The following NALF1 variants were observed in gnomAD, a reference collection of about 807,000 sequenced individuals.
The protein encoded by NALF1 is NALCN channel auxiliary factor 1.
In NALF1, 3 loss-of-function variants were observed where a neutral mutation model predicts 48.4. The observed-to-expected ratio is 0.06, with a 90% confidence interval of 0.03 to 0.16. The LOEUF (loss-of-function observed/expected upper bound fraction) is 0.16, where lower values mean the gene tolerates loss of function less well. Ranked by LOEUF, NALF1 falls within the 10% of genes least tolerant of loss-of-function variation. The pLI, the probability that NALF1 is intolerant of heterozygous loss-of-function variation, is 1.00. For synonymous variants in NALF1, 262 were observed against 245.7 expected (o/e 1.07, Z -0.62); for missense variants, 526 against 571.5 (o/e 0.92, Z 0.81).
chr13:107,481,655 T>C (rs1350665574), intron 1 of NALF1, among the ~76,000 whole-genome samples: 1 of 152,084 alleles, frequency 6.6e-6, no homozygotes, highest in African/African-American at 2.4e-5. Flanking sequence ...GAGAATCTCC[T>C]GGTGAAGCAG....
At chr13:107,479,197 C>T (rs1276306895) in intron 1 of NALF1, among the ~76,000 whole-genome samples, 1 of 152,100 alleles carries the variant, frequency 6.6e-6, no homozygotes, top group East Asian at 1.9e-4. Flanking sequence ...CCCAGACACT[C>T]TAGTTTTTCA....
chr13:107,654,728 A>C (rs9284236), intron 1 of NALF1, among the ~76,000 whole-genome samples: 73,778 of 151,726 alleles, frequency 0.49, 18,454 homozygotes, highest in Middle Eastern at 0.68. Context: ...TCCCTGAAAA[A>C]CATAGATGTA....
At chr13:107,795,505 T>C (rs1482857009) in intron 1 of NALF1, among the ~76,000 whole-genome samples, 1 of 152,150 alleles carries the variant, frequency 6.6e-6, no homozygotes, top group Non-Finnish European at 1.5e-5. Context: ...TTTTAACAAG[T>C]TAGGTCCAAA....
chr13:107,475,854 A>T (rs1028574485), intron 1 of NALF1, among the ~76,000 whole-genome samples: 20 of 152,160 alleles, frequency 1.3e-4, no homozygotes, highest in Non-Finnish European at 2.5e-4. Flanking sequence ...ACAGAGACAC[A>T]CATACCTAAA....
chr13:107,225,842 C>T, intron 1 of NALF1, among the ~76,000 whole-genome samples: 1 of 152,060 alleles, frequency 6.6e-6, no homozygotes, highest in East Asian at 1.9e-4. Context: ...CACACACACG[C>T]ATGCGCACAG....
At chr13:107,238,565 C>CCAGGACAG (rs1880401467) in intron 1 of NALF1, among the ~76,000 whole-genome samples, 1 of 152,080 alleles carries the variant, frequency 6.6e-6, no homozygotes, top group South Asian at 2.1e-4. Context: ...GCACATGCGG[C>CCAGGACAG]CAGGACAGGG....
rs962442822 is a variant in NALF1 at position 107,588,807 on chromosome 13, A to G, written c.915+276875T>C. ...TGAATCAATCATGTTTTCAGTGAAT[A>G]AATGCGGGGGAAAAAAGAAAGCCGA... On this transcript the variant is annotated intron_variant, in intron 1 of 2. Coordinates refer to ENST00000375915, the MANE Select transcript of NALF1 (RefSeq NM_001080396.3). 4.6e-5 allele frequency among the ~76,000 whole-genome samples: 7 copies of G among 152,196 alleles called. No individual in the cohort carries two copies. The East Asian group carries it at 1.4e-3, about 29-fold the overall frequency.
chr13:107,191,529 T>C (rs1307063859), intron 2 of NALF1, among the ~76,000 whole-genome samples: 1 of 152,190 alleles, frequency 6.6e-6, no homozygotes, highest in Non-Finnish European at 1.5e-5. Flanking sequence ...AATCAGTTTT[T>C]GAAGTACATG....
At chr13:107,464,110 G>A (rs1884961623) in intron 1 of NALF1, among the ~76,000 whole-genome samples, 1 of 152,128 alleles carries the variant, frequency 6.6e-6, no homozygotes, top group Non-Finnish European at 1.5e-5. Context: ...AAGTGGGTGA[G>A]ATTTCCAGCT....
intron 1 of NALF1, among the ~76,000 whole-genome samples, chr13:107,754,661 G>C (rs1244437568): frequency 3.3e-5 from 5 of 152,124 alleles, no homozygotes; most frequent in South Asian, 2.1e-4. Flanking sequence ...AGGAAGTAGA[G>C]AGCATTTCGG....
chr13:107,507,768 G>A (rs1476941536), intron 1 of NALF1, among the ~76,000 whole-genome samples: 1 of 151,982 alleles, frequency 6.6e-6, no homozygotes. Flanking sequence ...TGAAATCATA[G>A]GAAATAACTA....
At chr13:107,577,938 A>C (rs1878200189) in intron 1 of NALF1, among the ~76,000 whole-genome samples, 1 of 152,104 alleles carries the variant, frequency 6.6e-6, no homozygotes, top group African/African-American at 2.4e-5. Flanking sequence ...ATCAAGTAGC[A>C]GTTCTAATTT....
At chr13:107,481,385 T>C (rs772736487) in intron 1 of NALF1, among the ~76,000 whole-genome samples, 2 of 151,836 alleles carry the variant, frequency 1.3e-5, no homozygotes, top group African/African-American at 2.4e-5. Context: ...AGTGACTTAA[T>C]AGTCTAAAAT....
intron 1 of NALF1, among the ~76,000 whole-genome samples, chr13:107,471,390 A>C (rs974219097): frequency 6.6e-6 from 1 of 152,160 alleles, no homozygotes; most frequent in Non-Finnish European, 1.5e-5. Flanking sequence ...GTGCAAAAGA[A>C]GGGAGGGATG....
At chr13:107,782,313 C>T (rs1877916197) in intron 1 of NALF1, among the ~76,000 whole-genome samples, 1 of 152,204 alleles carries the variant, frequency 6.6e-6, no homozygotes, top group Admixed American at 6.5e-5. Context: ...CCTCGGCCTC[C>T]GGAGGTGCCA....
rs1440366317 is a variant in NALF1 at position 107,166,203 on chromosome 13, A to C, written c.*4294T>G. 6.6e-6 allele frequency: 1 copy of C among 152,174 alleles called. No individual in the cohort carries two copies. The highest frequency in any genetic ancestry group is 1.5e-5 in the Non-Finnish European group (1 of 68,060). 9.4% of individuals were successfully genotyped at this position (152,174 alleles called of 1,614,324 possible). On this transcript the variant is annotated 3_prime_UTR_variant, in exon 3 of 3. Coordinates refer to ENST00000375915, the MANE Select transcript of NALF1 (RefSeq NM_001080396.3). Reference sequence around the variant, plus strand: ...GGGAGGCCTAATCGGCGGATCTCCCAAGGTCAGGAGTTCAAGACTAGCCTG... The same window carrying C: ...GGGAGGCCTAATCGGCGGATCTCCCCAGGTCAGGAGTTCAAGACTAGCCTG...
chr13:107,332,229 A>G (rs536965186), intron 1 of NALF1, among the ~76,000 whole-genome samples: 2 of 152,330 alleles, frequency 1.3e-5, no homozygotes, highest in Admixed American at 6.5e-5. Flanking sequence ...CATAGGAATG[A>G]CCCTTCTCAC....
intron 1 of NALF1, among the ~76,000 whole-genome samples, chr13:107,340,485 CTTTT>C (rs71121526): frequency 0.61 from 88,034 of 144,796 alleles, 30,246 homozygotes; most frequent in Non-Finnish European, 0.77. Context: ...TTCTTTCTTT[CTTTT>C]TGTCTTTCTT....
chr13:107,364,540 C>T (rs577167952), intron 1 of NALF1, among the ~76,000 whole-genome samples: 60 of 152,344 alleles, frequency 3.9e-4, no homozygotes, highest in African/African-American at 1.4e-3. Context: ...GGTCTGCTCT[C>T]ATGCTCCTTA....
Sources: gnomAD v4.1 joint callset for allele counts (sites outside exome capture counted in the v4.1 genomes callset) on GRCh38, gnomAD v4.1.1 for gene constraint, MANE v1.5 for transcripts, NCBI Gene and HGNC (gene_info 2026-07-23, HGNC 2026-07-21) for gene names.